The following KCNB2 variants were observed in gnomAD, a reference collection of about 807,000 sequenced individuals.
KCNB2 encodes delayed rectifier potassium channel protein.
In KCNB2, 15 loss-of-function variants were observed where a neutral mutation model predicts 61.5. That is an observed-to-expected ratio of 0.24 (90% CI 0.16 to 0.38). The LOEUF (loss-of-function observed/expected upper bound fraction) is 0.38. Ranked by LOEUF, KCNB2 falls within the 10% of genes least tolerant of loss-of-function variation. KCNB2 has a pLI of 1.00. For missense variants in KCNB2, 828 were observed against 1,125.2 expected (o/e 0.74, Z 3.78); for synonymous variants, 457 against 446.0 (o/e 1.02, Z -0.31).
intron 2 of KCNB2, among the ~76,000 whole-genome samples, chr8:72,626,072 C>T (rs1347496257): frequency 6.6e-6 from 1 of 152,006 alleles, no homozygotes; most frequent in Non-Finnish European, 1.5e-5. Context: ...AAAAGAAAAC[C>T]TAGGATTCAT....
At chr8:72,868,016 A>G (rs559931906) in intron 2 of KCNB2, among the ~76,000 whole-genome samples, 86 of 151,692 alleles carry the variant, frequency 5.7e-4, no homozygotes, top group African/African-American at 2.0e-3. Context: ...TCATTGGCCA[A>G]TGAAATAATA....
At chr8:72,633,927 A>C (rs536042436) in intron 2 of KCNB2, among the ~76,000 whole-genome samples, 66 of 152,184 alleles carry the variant, frequency 4.3e-4, no homozygotes, top group Non-Finnish European at 8.8e-4. Context: ...GTCTGTGTGC[A>C]TCTTGGTTGC....
chr8:72,747,986 T>C (rs1808107854), intron 2 of KCNB2, among the ~76,000 whole-genome samples: 1 of 152,210 alleles, frequency 6.6e-6, no homozygotes, highest in South Asian at 2.1e-4. Context: ...TCAAAACTGC[T>C]ATTTACTTAT....
At chr8:72,920,457 C>CTATATATATATATA (rs1286454103) in intron 2 of KCNB2, among the ~76,000 whole-genome samples, 881 of 68,324 alleles carry the variant, frequency 0.013, 67 homozygotes, top group South Asian at 0.018. Context: ...ATCTATCTAT[C>CTATATATATATATA]TATCTATCTA....
chr8:72,862,180 A>G (rs1317124108), intron 2 of KCNB2, among the ~76,000 whole-genome samples: 1 of 152,222 alleles, frequency 6.6e-6, no homozygotes, highest in Non-Finnish European at 1.5e-5. Context: ...ATTTGGTTGC[A>G]TCTTCATTTC....
intron 2 of KCNB2, among the ~76,000 whole-genome samples, chr8:72,894,521 A>T (rs1805955372): frequency 6.6e-6 from 1 of 152,202 alleles, no homozygotes; most frequent in Non-Finnish European, 1.5e-5. Context: ...AATAAAGACA[A>T]TGAATTGTGT....
In KCNB2 at chr8:72,749,865, A is replaced by T. The variant is rs961545466; in HGVS notation, c.579+181552A>T. ...TTGTATATATTATATATATTTTTATATATATATACATCCATGTTTTAAAAC... is the reference window on the plus strand; with the variant it reads ...TTGTATATATTATATATATTTTTATTTATATATACATCCATGTTTTAAAAC... On this transcript the variant is annotated intron_variant, in intron 2 of 2. Transcript: ENST00000523207. Among the ~76,000 whole-genome samples, 50 of 147,180 alleles carry T rather than the reference A, an allele frequency of 3.4e-4. 2 individuals are homozygous for T. In the East Asian group the frequency reaches 9.0e-3, roughly 27 times the overall value.
chr8:72,871,051 T>C (rs1805607059), intron 2 of KCNB2, among the ~76,000 whole-genome samples: 1 of 152,128 alleles, frequency 6.6e-6, no homozygotes, highest in Non-Finnish European at 1.5e-5. Context: ...TCTAGTTCTG[T>C]TCCCCCCACC....
chr8:72,600,661 A>G (rs1443054083), intron 2 of KCNB2, among the ~76,000 whole-genome samples: 2 of 152,196 alleles, frequency 1.3e-5, no homozygotes, highest in Non-Finnish European at 2.9e-5. Flanking sequence ...ACAGCCATAA[A>G]AAAGGATGAG....
chr8:72,788,690 A>T (rs1808883933), intron 2 of KCNB2, among the ~76,000 whole-genome samples: 1 of 152,126 alleles, frequency 6.6e-6, no homozygotes, highest in Non-Finnish European at 1.5e-5. Flanking sequence ...CAGTGATCCA[A>T]ATTGAAGAGA....
At chr8:72,808,353 T>G (rs951569964) in intron 2 of KCNB2, among the ~76,000 whole-genome samples, 3 of 152,206 alleles carry the variant, frequency 2.0e-5, no homozygotes, top group African/African-American at 7.2e-5. Flanking sequence ...AATAAAAGCT[T>G]TAGATTTTTA....
At chr8:72,858,057 T>C (rs995830168) in intron 2 of KCNB2, among the ~76,000 whole-genome samples, 2 of 152,166 alleles carry the variant, frequency 1.3e-5, no homozygotes, top group Admixed American at 1.3e-4. Context: ...AAAGTTATAT[T>C]GGAAAAGTTG....
Position 72,567,763 on chromosome 8 carries a change from A to G in KCNB2, c.29A>G (p.Asn10Ser). 2 of 1,590,614 alleles carry G rather than the reference A, an allele frequency of 1.3e-6. No homozygotes were observed. Among genetic ancestry groups the G allele is most frequent in the South Asian group, 2.3e-5 (2 of 86,678 alleles). The change falls in exon 2 of 3, where the codon AAC becomes AGC. Residue 10 changes from asparagine to serine, a missense_variant. Physicochemically the swap from Asn to Ser is conservative, Grantham distance 46 (BLOSUM62 1). Transcript: ENST00000523207. MAEKAPPGL[N>S]RKTSRSTLSL... ...GCAGAAAAGGCTCCCCCGGGCTTAAACAGGAAGACTTCAAGGTCGACACTT... is the reference window on the plus strand; with the variant it reads ...GCAGAAAAGGCTCCCCCGGGCTTAAGCAGGAAGACTTCAAGGTCGACACTT...
intron 1 of KCNB2, among the ~76,000 whole-genome samples, chr8:72,548,124 T>G (rs1370546635): frequency 1.3e-5 from 2 of 152,228 alleles, no homozygotes; most frequent in East Asian, 3.8e-4. Flanking sequence ...ATGAACATTT[T>G]TAATCGAAAT....
Position 72,739,324 on chromosome 8 carries a change from A to G in KCNB2, c.579+171011A>G, listed in dbSNP as rs192904240. Among the ~76,000 whole-genome samples, 7 of 152,060 alleles carry G rather than the reference A, an allele frequency of 4.6e-5. No individual in the cohort carries two copies. The East Asian group carries it at 1.4e-3, about 29-fold the overall frequency. Reference sequence around the variant, plus strand: ...GTTTCACATTAGGCACTGGGGACAAAAATATCAATGAGGTATGGATCCTTA... The same window carrying G: ...GTTTCACATTAGGCACTGGGGACAAGAATATCAATGAGGTATGGATCCTTA... On this transcript the variant is annotated intron_variant, in intron 2 of 2. Coordinates refer to ENST00000523207, the MANE Select transcript of KCNB2 (RefSeq NM_004770.3).
At chr8:72,779,609 T>A (rs1808720840) in intron 2 of KCNB2, among the ~76,000 whole-genome samples, 1 of 152,214 alleles carries the variant, frequency 6.6e-6, no homozygotes, top group Non-Finnish European at 1.5e-5. Context: ...ATTTCTGGAA[T>A]TATTGCAAAA....
At chr8:72,870,967 AC>A (rs1273956051) in intron 2 of KCNB2, among the ~76,000 whole-genome samples, 1 of 152,174 alleles carries the variant, frequency 6.6e-6, no homozygotes, top group Non-Finnish European at 1.5e-5. Flanking sequence ...ACAGAGTAAG[AC>A]CTTTTCTCAA....
intron 2 of KCNB2, among the ~76,000 whole-genome samples, chr8:72,744,939 G>A (rs929787775): frequency 1.3e-4 from 20 of 152,206 alleles, no homozygotes; most frequent in African/African-American, 4.8e-4. Flanking sequence ...ACTGGATCCT[G>A]TGTGTCTTGT....
chr8:72,622,577 T>C (rs1015096793), intron 2 of KCNB2, among the ~76,000 whole-genome samples: 3 of 152,164 alleles, frequency 2.0e-5, no homozygotes, highest in African/African-American at 7.2e-5. Context: ...CTGAATACTT[T>C]AGGTAAATTA....
Sources: gnomAD v4.1 joint callset for allele counts (sites outside exome capture counted in the v4.1 genomes callset) on GRCh38, gnomAD v4.1.1 for gene constraint, MANE v1.5 for transcripts, NCBI Gene and HGNC (gene_info 2026-07-23, HGNC 2026-07-21) for gene names.